OTUD7A: variants seen among roughly 807,000 people sequenced by gnomAD.
The protein encoded by OTUD7A is OTU deubiquitinase 7A, also known as OTU domain-containing protein 7A.
Under a neutral mutation model 65.7 loss-of-function variants are expected in OTUD7A, and 12 were observed. The ratio of observed to expected loss-of-function variants is 0.18; its 90% CI spans 0.12 to 0.30. The LOEUF is 0.30. Among genes scored for constraint, OTUD7A ranks in the 10% least tolerant of loss-of-function variants. The pLI is 1.00. For synonymous variants in OTUD7A, 641 were observed against 586.3 expected (o/e 1.09, Z -1.35); for missense variants, 1,148 against 1,304.8 (o/e 0.88, Z 1.85).
chr15:31,638,808 A>C (rs891815546), intron 3 of OTUD7A, among the ~76,000 whole-genome samples: 1 of 152,088 alleles, frequency 6.6e-6, no homozygotes, highest in Non-Finnish European at 1.5e-5. Context: ...GTCTGTTATC[A>C]CTGCAAGATA....
intron 1 of OTUD7A, among the ~76,000 whole-genome samples, chr15:31,843,818 C>G (rs1897241351): frequency 6.6e-6 from 1 of 152,180 alleles, no homozygotes; most frequent in Non-Finnish European, 1.5e-5. Flanking sequence ...GTTCCAAGCC[C>G]TGCACCAAAG....
At chr15:31,584,603 T>G (rs1429509806) in intron 3 of OTUD7A, among the ~76,000 whole-genome samples, 1 of 152,192 alleles carries the variant, frequency 6.6e-6, no homozygotes, top group Non-Finnish European at 1.5e-5. Flanking sequence ...GAAGACAGCC[T>G]GGGAGGATAT....
At chr15:31,625,400 C>T (rs1265395591) in intron 3 of OTUD7A, among the ~76,000 whole-genome samples, 3 of 149,782 alleles carry the variant, frequency 2.0e-5, no homozygotes, top group Admixed American at 1.3e-4. Flanking sequence ...TTCGACTAAA[C>T]ATTCCTGATT....
intron 1 of OTUD7A, among the ~76,000 whole-genome samples, chr15:31,867,980 C>T (rs1488176035): frequency 6.6e-6 from 1 of 152,240 alleles, no homozygotes; most frequent in Non-Finnish European, 1.5e-5. Flanking sequence ...GAGATCCACT[C>T]CCAAGGTGGC....
intron 3 of OTUD7A, among the ~76,000 whole-genome samples, chr15:31,631,463 T>C (rs1247268072): frequency 6.6e-6 from 1 of 152,230 alleles, no homozygotes; most frequent in Non-Finnish European, 1.5e-5. Context: ...GATCAGCTGT[T>C]AGTCTGATGG....
chr15:31,603,266 C>T (rs1056130849), intron 3 of OTUD7A, among the ~76,000 whole-genome samples: 2 of 133,194 alleles, frequency 1.5e-5, no homozygotes, highest in African/African-American at 3.5e-5. Flanking sequence ...TGGAAGAGAA[C>T]AGAAACCTCA....
intron 1 of OTUD7A, among the ~76,000 whole-genome samples, chr15:31,867,668 T>A (rs1474540346): frequency 2.6e-5 from 4 of 152,170 alleles, no homozygotes; most frequent in Non-Finnish European, 5.9e-5. Flanking sequence ...CAGCCTGTAG[T>A]TCACTGAAGT....
intron 1 of OTUD7A, among the ~76,000 whole-genome samples, chr15:31,859,628 T>C (rs1320626113): frequency 2.6e-5 from 4 of 152,214 alleles, no homozygotes. Context: ...CTCCTGGACC[T>C]GTCTCCCTGC....
chr15:31,836,877 A>G (rs998111059), intron 1 of OTUD7A, among the ~76,000 whole-genome samples: 1 of 152,236 alleles, frequency 6.6e-6, no homozygotes, highest in Non-Finnish European at 1.5e-5. Context: ...ACAGATAGCT[A>G]TATCATAATG....
chr15:31,647,749 C>G (rs537787798), intron 3 of OTUD7A, among the ~76,000 whole-genome samples: 1 of 152,026 alleles, frequency 6.6e-6, no homozygotes, highest in Non-Finnish European at 1.5e-5. Flanking sequence ...ATTAATAGAT[C>G]ACTCTACTGA....
At chr15:31,512,695 T>C (rs1309019950) in intron 8 of OTUD7A, among the ~76,000 whole-genome samples, 2 of 152,192 alleles carry the variant, frequency 1.3e-5, no homozygotes, top group Admixed American at 6.5e-5. Flanking sequence ...AGGAAGTAAC[T>C]TGTGGAATGT....
chr15:31,482,887 G>C lies in OTUD7A; in HGVS notation c.*407C>G, dbSNP rs913149103. The C allele has an allele frequency of 6.6e-6, 1 of 151,278 alleles. No individual in the cohort carries two copies. Among genetic ancestry groups the C allele is most frequent in the Non-Finnish European group, 1.5e-5 (1 of 67,934 alleles). 9.4% of individuals were successfully genotyped at this position (151,278 alleles called of 1,614,324 possible). Reference sequence around the variant, plus strand: ...TGGGTACTACCAACCGCGCACAAGGGACCGCTACCTGGAAGAGGTCATCGC... The same window carrying C: ...TGGGTACTACCAACCGCGCACAAGGCACCGCTACCTGGAAGAGGTCATCGC... On this transcript the variant is annotated 3_prime_UTR_variant, in exon 13 of 13. Coordinates refer to ENST00000307050, the MANE Select transcript of OTUD7A (RefSeq NM_001382637.1).
chr15:31,791,865 G>A (rs1895825025), intron 1 of OTUD7A, among the ~76,000 whole-genome samples: 2 of 152,038 alleles, frequency 1.3e-5, no homozygotes, highest in Non-Finnish European at 2.9e-5. Flanking sequence ...GGCTCAGCCT[G>A]GATTGCATCT....
At chr15:31,735,646 G>A (rs1894168610) in intron 1 of OTUD7A, among the ~76,000 whole-genome samples, 1 of 152,138 alleles carries the variant, frequency 6.6e-6, no homozygotes, top group South Asian at 2.1e-4. Context: ...GTGGAAGATA[G>A]TGTGGTGATT....
chr15:31,623,183 G>T (rs557230564), intron 3 of OTUD7A, among the ~76,000 whole-genome samples: 67 of 152,324 alleles, frequency 4.4e-4, no homozygotes, highest in East Asian at 2.9e-3. Context: ...TACTTCGGGG[G>T]TGCCTTCCAG....
intron 3 of OTUD7A, among the ~76,000 whole-genome samples, chr15:31,596,880 T>C (rs1360559547): frequency 6.6e-6 from 1 of 152,220 alleles, no homozygotes; most frequent in Non-Finnish European, 1.5e-5. Context: ...CTCTATCAGA[T>C]ACATGTTTTA....
At chr15:31,720,368 T>C (rs1893701092) in intron 1 of OTUD7A, among the ~76,000 whole-genome samples, 2 of 151,940 alleles carry the variant, frequency 1.3e-5, no homozygotes, top group Non-Finnish European at 2.9e-5. Context: ...AGTGACATCA[T>C]AGCTGTTGAT....
chr15:31,602,866 C>G (rs1890122967), intron 3 of OTUD7A, among the ~76,000 whole-genome samples: 1 of 152,056 alleles, frequency 6.6e-6, no homozygotes, highest in Admixed American at 6.5e-5. Flanking sequence ...AATAAAATAT[C>G]TAGTAACACA....
At chr15:31,669,849 C>T (rs1250321560) in intron 1 of OTUD7A, among the ~76,000 whole-genome samples, 2 of 151,666 alleles carry the variant, frequency 1.3e-5, no homozygotes, top group Non-Finnish European at 2.9e-5. Flanking sequence ...CCCTGTATTT[C>T]ACTCAGTTCT....
Sources: allele counts gnomAD v4.1 joint callset (sites outside exome capture counted in the v4.1 genomes callset), GRCh38; gene constraint gnomAD v4.1.1; transcripts MANE v1.5; gene names NCBI Gene and HGNC (gene_info 2026-07-23, HGNC 2026-07-21).